The following GJB2 variants were observed in gnomAD, a reference collection of about 807,000 sequenced individuals.
The protein encoded by GJB2 is gap junction beta-2 protein.
Under a neutral mutation model 16.0 loss-of-function variants are expected in GJB2, and 30 were observed. That is an observed-to-expected ratio of 1.88 (90% CI 1.41 to 2.55). The LOEUF (loss-of-function observed/expected upper bound fraction) is 2.55, where lower values mean the gene tolerates loss of function less well. Ranked by LOEUF, GJB2 falls within the 30% of genes most tolerant of loss-of-function variation. GJB2 has a pLI of 0.00. For synonymous variants in GJB2, 123 were observed against 119.1 expected (o/e 1.03, Z -0.21); for missense variants, 284 against 289.7 (o/e 0.98, Z 0.14).
rs531214361 is a variant in GJB2 at position 20,190,261 on chromosome 13, C to A, written c.-22-658G>T. Among the ~76,000 whole-genome samples, 6 of 152,314 alleles carry A rather than the reference C, an allele frequency of 3.9e-5. 1 individual carries two copies. The highest frequency in any genetic ancestry group is 1.4e-4 in the African/African-American group (6 of 41,570). ...TGAGGCACCCCGAGTTAAAATTTTA[C>A]AAAGGACCTTGCTTCCTCCTACGTG... On this transcript the variant is annotated intron_variant, in intron 1 of 1. Coordinates refer to ENST00000382848, the MANE Select transcript of GJB2 (RefSeq NM_004004.6).
rs2137308870 is a variant in GJB2, at chr13:20,189,546, A to C, written c.36T>G (p.Gly12=). 1.9e-6 allele frequency: 3 copies of C among 1,613,488 alleles called. No homozygotes were observed. The South Asian group carries it at 3.3e-5, about 18-fold the overall frequency. ...DWGTLQTILG[G]VNKHSTSIGK... ...CAATGCTGGTGGAGTGTTTGTTCACACCCCCCAGGATCGTCTGCAGCGTGC... is the reference window on the plus strand; with the variant it reads ...CAATGCTGGTGGAGTGTTTGTTCACCCCCCCCAGGATCGTCTGCAGCGTGC... The change falls in exon 2 of 2, where the codon GGT becomes GGG. Residue 12 remains glycine, a synonymous_variant. Transcript: ENST00000382848.
chr13:20,189,030 C>T lies in GJB2; in HGVS notation c.552G>A (p.Arg184=), dbSNP rs2137307254. The change falls in exon 2 of 2, where the codon CGG becomes CGA. Residue 184 remains arginine, a synonymous_variant. Transcript: ENST00000382848. The part of the protein sequence containing the change: ...CPNTVDCFVS[R]PTEKTVFTVF... ...CTGTGAAGACAGTCTTCTCCGTGGG[C>T]CGGGACACAAAGCAGTCCACAGTGT... 1.9e-6 allele frequency: 3 copies of T among 1,614,058 alleles called. No individual in the cohort carries two copies. The highest frequency in any genetic ancestry group is 2.5e-6 in the Non-Finnish European group (3 of 1,179,968).
In GJB2 at chr13:20,189,180, C is replaced by A. The variant is rs886953363; in HGVS notation, c.402G>T (p.Trp134Cys). 6.2e-7 allele frequency: 1 copy of A among 1,614,038 alleles called. No homozygotes were observed. Among genetic ancestry groups the A allele is most frequent in the Admixed American group, 1.7e-5 (1 of 60,028 alleles). Residue 134 changes from tryptophan to cysteine, a missense_variant, in exon 2 of 2, where the codon TGG (tryptophan) becomes TGT (cysteine). By Grantham distance (215) the Trp-to-Cys change is radical. Coordinates refer to ENST00000382848, the MANE Select transcript of GJB2 (RefSeq NM_004004.6). ...QKVRIEGSLW[W>C]TYTSSIFFRV... ...GGAAGAAGATGCTGCTTGTGTAGGT[C>A]CACCACAGGGAGCCTTCGATGCGGA... is the stretch of plus-strand genomic sequence containing the variant.
intron 1 of GJB2, among the ~76,000 whole-genome samples, chr13:20,190,334 A>G (rs551417484): frequency 6.6e-6 from 1 of 152,342 alleles, no homozygotes; most frequent in East Asian, 1.9e-4. Flanking sequence ...AGCCACTGTG[A>G]GCACAGACTT....
chr13:20,188,826 G>T lies in GJB2; in HGVS notation c.*75C>A. The T allele has an allele frequency of 1.7e-6, 2 of 1,164,746 alleles. No individual in the cohort carries two copies. Among genetic ancestry groups the T allele is most frequent in the Non-Finnish European group, 2.6e-6 (2 of 773,750 alleles). 72.2% of individuals were successfully genotyped at this position (1,164,746 alleles called of 1,614,324 possible). On this transcript the variant is annotated 3_prime_UTR_variant, in exon 2 of 2. Coordinates refer to ENST00000382848, the MANE Select transcript of GJB2 (RefSeq NM_004004.6). ...TGTGTTGGGAAATGCTAGCGACTGA[G>T]CCTTGACAGCTGAGCACGGGTTGCC...
Position 20,189,417 on chromosome 13 carries a change from G to A in GJB2, c.165C>T (p.Thr55=). The change falls in exon 2 of 2, where the codon ACC becomes ACT. Residue 55 remains threonine (T), a synonymous_variant. Coordinates refer to ENST00000382848, the MANE Select transcript of GJB2 (RefSeq NM_004004.6). ...GDEQADFVCN[T]LQPGCKNVCY... ...ACACGTTCTTGCAGCCTGGCTGCAG[G>A]GTGTTGCAGACAAAGTCGGCCTGCT... 6.2e-7 allele frequency: 1 copy of A among 1,612,488 alleles called. No homozygotes were observed. The highest frequency in any genetic ancestry group is 1.1e-5 in the South Asian group (1 of 91,074).
Position 20,189,531 on chromosome 13 carries a change from GGAGT to G in GJB2, c.47_50del (p.His16ProfsTer18). The G allele has an allele frequency of 6.2e-7, 1 of 1,614,090 alleles. No homozygotes were observed. ...TGAGCCAGATCTTTCCAATGCTGGT[GGAGT>G]GTTTGTTCACACCCCCCAGGATCGT... On this transcript the variant is annotated frameshift_variant, in exon 2 of 2. Transcript: ENST00000382848. LOFTEE classifies it high-confidence loss of function.
chr13:20,191,725 C>A (rs570875894), intron 1 of GJB2, among the ~76,000 whole-genome samples: 1 of 152,182 alleles, frequency 6.6e-6, no homozygotes, highest in Non-Finnish European at 1.5e-5. Context: ...CAGAGGCCAG[C>A]GGAGGAGTTG....
intron 1 of GJB2, among the ~76,000 whole-genome samples, chr13:20,190,082 C>G (rs1959067940): frequency 6.6e-6 from 1 of 152,236 alleles, no homozygotes; most frequent in Admixed American, 6.5e-5. Flanking sequence ...TTGGGCCAAC[C>G]TTGCTCAAAG....
chr13:20,187,626 A>G lies in GJB2; in HGVS notation c.*1275T>C, dbSNP rs1959047262. ...GGAAAATACTTACCCTCACTGAAAT[A>G]TGTGGAGTACCATTTTTTGGAAACC... On this transcript the variant is annotated 3_prime_UTR_variant, in exon 2 of 2. Coordinates refer to ENST00000382848, the MANE Select transcript of GJB2 (RefSeq NM_004004.6). 1 of 152,214 alleles carries G rather than the reference A, an allele frequency of 6.6e-6. No homozygotes were observed. The highest frequency in any genetic ancestry group is 2.1e-4 in the South Asian group (1 of 4,826). 9.4% of individuals were successfully genotyped at this position (152,214 alleles called of 1,614,324 possible).
Position 20,188,492 on chromosome 13 carries a change from C to T in GJB2, c.*409G>A, listed in dbSNP as rs2137306382. ...TCACCTTTAACGTGGGGAAAGTTGGCAAAAAGAACCCCAGGAGGACACCCA... is the reference window on the plus strand; with the variant it reads ...TCACCTTTAACGTGGGGAAAGTTGGTAAAAAGAACCCCAGGAGGACACCCA... On this transcript the variant is annotated 3_prime_UTR_variant, in exon 2 of 2. Transcript: ENST00000382848. The T allele has an allele frequency of 5.8e-6, 1 of 172,778 alleles. No individual in the cohort carries two copies. Among genetic ancestry groups the T allele is most frequent in the South Asian group, 1.6e-4 (1 of 6,382 alleles). 10.7% of individuals were successfully genotyped at this position (172,778 alleles called of 1,614,324 possible).
At chr13:20,189,961 T>C (rs1042940002) in intron 1 of GJB2, among the ~76,000 whole-genome samples, 4 of 152,258 alleles carry the variant, frequency 2.6e-5, no homozygotes, top group African/African-American at 9.6e-5. Flanking sequence ...CCCTGCATCC[T>C]CTGCAGAGCT....
chr13:20,191,518 T>C (rs1959076510), intron 1 of GJB2, among the ~76,000 whole-genome samples: 1 of 152,206 alleles, frequency 6.6e-6, no homozygotes, highest in African/African-American at 2.4e-5. Context: ...AAGATCCTTT[T>C]TCAGGAAGAG....
At chr13:20,190,756 C>T (rs9552098) in intron 1 of GJB2, among the ~76,000 whole-genome samples, 23,361 of 152,230 alleles carry the variant, frequency 0.15, 2,133 homozygotes, top group East Asian at 0.42. Flanking sequence ...CTCCACAATC[C>T]GGATGAATCA....
At position 20,189,154 on chromosome 13, in the gene GJB2, C is replaced by T. The variant is rs104894401; in HGVS notation, c.428G>A (p.Arg143Gln). The T allele has an allele frequency of 3.7e-6, 6 of 1,613,994 alleles. No homozygotes were observed. The highest frequency in any genetic ancestry group is 2.2e-5 in the East Asian group (1 of 44,888). Residue 143 changes from arginine to glutamine, a missense_variant, in exon 2 of 2, where the codon CGG (arginine) becomes CAG (glutamine). Transcript: ENST00000382848. ...CATGAAGGCGGCTTCGAAGATGACCCGGAAGAAGATGCTGCTTGTGTAGGT... is the reference window on the plus strand; with the variant it reads ...CATGAAGGCGGCTTCGAAGATGACCTGGAAGAAGATGCTGCTTGTGTAGGT... Reference protein sequence around the residue: ...WWTYTSSIFFRVIFEAAFMYV... With the variant: ...WWTYTSSIFFQVIFEAAFMYV...
intron 1 of GJB2, among the ~76,000 whole-genome samples, chr13:20,191,311 T>C (rs1413660999): frequency 6.6e-6 from 1 of 152,166 alleles, no homozygotes; most frequent in Non-Finnish European, 1.5e-5. Context: ...AACTCTCTCC[T>C]GGTTTACAAC....
In GJB2 at chr13:20,189,501, G is replaced by C; in HGVS notation, c.81C>G (p.Val27=). The C allele has an allele frequency of 1.2e-6, 2 of 1,614,208 alleles. No individual in the cohort carries two copies. Among genetic ancestry groups the C allele is most frequent in the Non-Finnish European group, 1.7e-6 (2 of 1,180,026 alleles). Residue 27 remains valine, a synonymous_variant, in exon 2 of 2, where the codon GTC becomes GTG. Transcript: ENST00000382848. ...STSIGKIWLT[V]LFIFRIMILV... is the part of the protein sequence containing the mutation. ...GGATCATAATGCGAAAAATGAAGAGGACGGTGAGCCAGATCTTTCCAATGC... is the reference window on the plus strand; with the variant it reads ...GGATCATAATGCGAAAAATGAAGAGCACGGTGAGCCAGATCTTTCCAATGC...
Position 20,189,217 on chromosome 13 carries a change from T to G in GJB2, c.365A>C (p.Lys122Thr), listed in dbSNP as rs111033295. The G allele has an allele frequency of 6.2e-7, 1 of 1,613,830 alleles. No individual in the cohort carries two copies. Among genetic ancestry groups the G allele is most frequent in the African/African-American group, 1.3e-5 (1 of 75,060 alleles). ...GCCTTCGATGCGGACCTTCTGGGTT[T>G]TGATCTCCTCGATGTCCTTAAATTC... ...KSEFKDIEEI[K>T]TQKVRIEGSL... The change falls in exon 2 of 2, where the codon AAA becomes ACA. Residue 122 changes from lysine to threonine, a missense_variant. By Grantham distance (78) the Lys-to-Thr change is moderately conservative (BLOSUM62 -1). Coordinates refer to ENST00000382848, the MANE Select transcript of GJB2 (RefSeq NM_004004.6).
chr13:20,188,620 C>A lies in GJB2; in HGVS notation c.*281G>T. 1 of 485,846 alleles carries A rather than the reference C, an allele frequency of 2.1e-6. No homozygotes were observed. The highest frequency in any genetic ancestry group is 3.7e-6 in the Non-Finnish European group (1 of 271,228). 30.1% of individuals were successfully genotyped at this position (485,846 alleles called of 1,614,324 possible). ...GTTTAAAATATGAAAGTACCTTACACCAATAACCCCTAACAGCCTGGGGTC... is the reference window on the plus strand; with the variant it reads ...GTTTAAAATATGAAAGTACCTTACAACAATAACCCCTAACAGCCTGGGGTC... On this transcript the variant is annotated 3_prime_UTR_variant, in exon 2 of 2. Transcript: ENST00000382848.
Sources: gnomAD v4.1 joint callset for allele counts (sites outside exome capture counted in the v4.1 genomes callset) on GRCh38, gnomAD v4.1.1 for gene constraint, MANE v1.5 for transcripts, NCBI Gene and HGNC (gene_info 2026-07-23, HGNC 2026-07-21) for gene names.